The following MCTP2 variants were observed in gnomAD, a reference collection of about 807,000 sequenced individuals.
The protein encoded by MCTP2 is multiple C2 and transmembrane domain containing 2.
Under a neutral mutation model 111.6 loss-of-function variants are expected in MCTP2, and 132 were observed. The observed-to-expected ratio is 1.18, with a 90% CI of 1.03 to 1.37. MCTP2 has a LOEUF of 1.37. Ranked by LOEUF, MCTP2 falls within the 40% of genes most tolerant of loss-of-function variation. The pLI is 0.00. For missense variants in MCTP2, 1,183 were observed against 1,067.9 expected (o/e 1.11, Z -1.50); for synonymous variants, 395 against 387.7 (o/e 1.02, Z -0.22).
In MCTP2 at chr15:94,479,977, A is replaced by G. The variant is rs1369745967; in HGVS notation, c.*943A>G. ...CCTGAATGTTTTAAGCAGGAAGTAG[A>G]AATACTTTGGCTGCCCAAATGTATC... On this transcript the variant is annotated 3_prime_UTR_variant, in exon 23 of 23. Transcript: ENST00000357742. 2 of 152,192 alleles carry G rather than the reference A, an allele frequency of 1.3e-5. No individual in the cohort carries two copies. The highest frequency in any genetic ancestry group is 6.5e-5 in the Admixed American group (1 of 15,282). The allele number at this position is 152,192 out of a possible 1,614,324, so 9.4% of individuals were successfully genotyped here.
At chr15:94,423,055 G>T (rs971360036) in intron 17 of MCTP2, among the ~76,000 whole-genome samples, 2 of 152,154 alleles carry the variant, frequency 1.3e-5, no homozygotes, top group Non-Finnish European at 2.9e-5. Context: ...ACGCAAAGTA[G>T]TAACTGGGTA....
chr15:94,247,609 G>A (rs1017946896), intron 1 of MCTP2, among the ~76,000 whole-genome samples: 4 of 152,100 alleles, frequency 2.6e-5, no homozygotes, highest in Admixed American at 1.3e-4. Flanking sequence ...GGATGTCCAA[G>A]CAGATAAAAC....
rs146415963 is a variant in MCTP2 at position 94,257,231 on chromosome 15, C to T, written c.-66+25567C>T. ...GTCTCTGCTCACATGCTCCCTCATC[C>T]TCTGTGGGATGGCTTCATCCCTCTT... On this transcript the variant is annotated intron_variant, in intron 1 of 22. Transcript: ENST00000357742. Among the ~76,000 whole-genome samples, 236 of 152,234 alleles carry T rather than the reference C, an allele frequency of 1.6e-3. 1 individual carries two copies. Among genetic ancestry groups the T allele is most frequent in the African/African-American group, 5.6e-3 (233 of 41,516 alleles).
At chr15:94,393,380 G>C (rs887835278) in intron 14 of MCTP2, among the ~76,000 whole-genome samples, 1 of 152,148 alleles carries the variant, frequency 6.6e-6, no homozygotes, top group Middle Eastern at 3.2e-3. Context: ...AAGTCATTGA[G>C]GAAATGATAA....
intron 17 of MCTP2, among the ~76,000 whole-genome samples, chr15:94,422,537 A>C (rs753037483): frequency 5.3e-5 from 8 of 152,080 alleles, no homozygotes; most frequent in Non-Finnish European, 1.0e-4. Flanking sequence ...ATTTTTTTCC[A>C]GTTTCCCATT....
intron 4 of MCTP2, among the ~76,000 whole-genome samples, chr15:94,320,955 A>T (rs536880967): frequency 3.9e-5 from 6 of 152,346 alleles, no homozygotes; most frequent in African/African-American, 1.4e-4. Flanking sequence ...TAACCTCTCT[A>T]AAATGGGTGT....
intron 17 of MCTP2, among the ~76,000 whole-genome samples, chr15:94,416,701 T>G (rs2152490379): frequency 6.6e-6 from 1 of 152,294 alleles, no homozygotes; most frequent in Middle Eastern, 3.4e-3. Flanking sequence ...CTTGCAAAGT[T>G]GGATCTCTTC....
intron 19 of MCTP2, among the ~76,000 whole-genome samples, chr15:94,445,408 T>G (rs1215704750): frequency 6.6e-6 from 1 of 152,238 alleles, no homozygotes; most frequent in African/African-American, 2.4e-5. Context: ...TATTTTGACT[T>G]CTGTTTATGC....
intron 1 of MCTP2, among the ~76,000 whole-genome samples, chr15:94,290,011 G>A: frequency 6.6e-6 from 1 of 152,172 alleles, no homozygotes; most frequent in East Asian, 1.9e-4. Context: ...AAAGGGGTCA[G>A]GGAATGTGGG....
At chr15:94,378,771 T>G (rs1223493191) in intron 12 of MCTP2, among the ~76,000 whole-genome samples, 1 of 152,146 alleles carries the variant, frequency 6.6e-6, no homozygotes, top group Non-Finnish European at 1.5e-5. Context: ...TTATTTGTCC[T>G]AGAGAAGGCC....
chr15:94,264,875 T>A (rs756037585), intron 1 of MCTP2, among the ~76,000 whole-genome samples: 52 of 152,322 alleles, frequency 3.4e-4, no homozygotes, highest in Non-Finnish European at 6.9e-4. Context: ...CTAGGAGGTT[T>A]GGAAGATATA....
At chr15:94,339,543 A>G in intron 5 of MCTP2, 111 bp downstream of exon 5, 1 of 732,150 alleles carries the variant, frequency 1.4e-6, no homozygotes, top group Non-Finnish European at 2.0e-6. Flanking sequence ...ATTAGGACAG[A>G]TTAAAAATAA....
At chr15:94,318,335 G>A (rs542014495) in intron 4 of MCTP2, among the ~76,000 whole-genome samples, 1 of 149,742 alleles carries the variant, frequency 6.7e-6, no homozygotes, top group East Asian at 1.9e-4. Flanking sequence ...CCAGGCTGGA[G>A]TGCAGTGGCA....
chr15:94,430,232 A>C (rs2083098022), intron 17 of MCTP2, among the ~76,000 whole-genome samples: 1 of 152,108 alleles, frequency 6.6e-6, no homozygotes, highest in East Asian at 1.9e-4. Context: ...ACTCCCTTAG[A>C]ATAAAAGGCA....
At position 94,384,063 on chromosome 15, in the gene MCTP2, C is replaced by T. The variant is rs374061496; in HGVS notation, c.1624C>T (p.Arg542Ter). 7.1e-5 allele frequency: 114 copies of T among 1,613,860 alleles called. No homozygotes were observed. In the East Asian group the frequency reaches 1.2e-3, roughly 18 times the overall value. The change falls in exon 13 of 23, where the codon CGA becomes TGA. Residue 542 changes from arginine (R) to a stop codon, truncating the protein, a stop_gained. Transcript: ENST00000357742. LOFTEE classifies it high-confidence loss of function. ...TTGCTTGTTGGAGTTAGGCAATGAC[C>T]GACTTCAGACGCATACCGTCTACAA... Reference protein sequence around the residue: ...PFCLLELGNDRLQTHTVYKNL... With the variant: ...PFCLLELGND
chr15:94,268,437 C>T (rs1237609516), intron 1 of MCTP2, among the ~76,000 whole-genome samples: 3 of 151,922 alleles, frequency 2.0e-5, no homozygotes, highest in African/African-American at 7.3e-5. Flanking sequence ...GGTGATCCAC[C>T]TGCCTCGGCC....
intron 19 of MCTP2, among the ~76,000 whole-genome samples, chr15:94,444,002 A>AAC (rs983292022): frequency 2.0e-5 from 3 of 149,702 alleles, no homozygotes; most frequent in Non-Finnish European, 3.0e-5. Flanking sequence ...AAAAAAAAAA[A>AAC]AAAACAGAAG....
At chr15:94,247,983 G>T (rs929389646) in intron 1 of MCTP2, among the ~76,000 whole-genome samples, 1 of 152,150 alleles carries the variant, frequency 6.6e-6, no homozygotes, top group Non-Finnish European at 1.5e-5. Context: ...GTATTGCAGG[G>T]TGGTATTGAG....
chr15:94,246,227 G>A (rs971097661), intron 1 of MCTP2, among the ~76,000 whole-genome samples: 2 of 152,192 alleles, frequency 1.3e-5, no homozygotes, highest in Non-Finnish European at 2.9e-5. Context: ...GAGACTGAAG[G>A]ACAGGTGGCT....
Sources: gnomAD v4.1 joint callset for allele counts (sites outside exome capture counted in the v4.1 genomes callset) on GRCh38, gnomAD v4.1.1 for gene constraint, MANE v1.5 for transcripts, NCBI Gene and HGNC (gene_info 2026-07-23, HGNC 2026-07-21) for gene names.